Variants in MAML2 observed in about 807,000 individuals in gnomAD.
The protein encoded by MAML2 is mastermind-like protein 2.
In MAML2, 22 loss-of-function variants were observed where a neutral mutation model predicts 96.1. The observed-to-expected ratio is 0.23, with a 90% confidence interval of 0.16 to 0.33. MAML2 has a LOEUF of 0.33. MAML2 is among the 10% of genes least tolerant of loss of function. MAML2 has a pLI of 1.00. For synonymous variants in MAML2, 561 were observed against 521.3 expected (o/e 1.08, Z -1.04); for missense variants, 1,367 against 1,392.4 (o/e 0.98, Z 0.29).
intron 2 of MAML2, among the ~76,000 whole-genome samples, chr11:96,042,059 C>T (rs1858821826): frequency 6.6e-6 from 1 of 151,452 alleles, no homozygotes; most frequent in African/African-American, 2.4e-5. Flanking sequence ...TCACTGCAAG[C>T]TCCACCTCCC....
intron 1 of MAML2, among the ~76,000 whole-genome samples, chr11:96,120,080 C>T (rs1342035514): frequency 6.6e-6 from 1 of 151,952 alleles, no homozygotes; most frequent in Admixed American, 6.5e-5. Context: ...GCCTCAGCCT[C>T]CCGAGTAGCT....
intron 1 of MAML2, among the ~76,000 whole-genome samples, chr11:96,314,359 T>C (rs756731388): frequency 3.3e-5 from 5 of 152,238 alleles, no homozygotes; most frequent in Non-Finnish European, 7.3e-5. Context: ...ACAACACCTT[T>C]AACTCTGAGT....
intron 1 of MAML2, among the ~76,000 whole-genome samples, chr11:96,267,792 AAG>A (rs1862850943): frequency 1.3e-5 from 2 of 152,234 alleles, no homozygotes; most frequent in African/African-American, 4.8e-5. Flanking sequence ...GCTGTCCCTC[AAG>A]CATGGTGGGA....
intron 1 of MAML2, among the ~76,000 whole-genome samples, chr11:96,175,653 T>G (rs1861375361): frequency 6.6e-6 from 1 of 152,120 alleles, no homozygotes; most frequent in Non-Finnish European, 1.5e-5. Context: ...TGCAGTGGCG[T>G]GATCTCGGCT....
intron 1 of MAML2, among the ~76,000 whole-genome samples, chr11:96,150,279 A>T (rs527435540): frequency 2.0e-5 from 3 of 152,218 alleles, no homozygotes; most frequent in Admixed American, 6.5e-5. Context: ...CACGAAGCTC[A>T]GCTTCAATGA....
intron 2 of MAML2, among the ~76,000 whole-genome samples, chr11:96,035,185 G>A (rs891989502): frequency 1.3e-5 from 2 of 152,160 alleles, no homozygotes; most frequent in African/African-American, 2.4e-5. Context: ...CTTTAGAAAG[G>A]CAATCAGGGC....
At chr11:96,177,663 T>G (rs766747376) in intron 1 of MAML2, among the ~76,000 whole-genome samples, 3 of 152,226 alleles carry the variant, frequency 2.0e-5, no homozygotes, top group Non-Finnish European at 4.4e-5. Flanking sequence ...TCTCTTTCTA[T>G]TATTTTCAAA....
chr11:96,300,919 A>T (rs1007877465), intron 1 of MAML2, among the ~76,000 whole-genome samples: 1 of 152,196 alleles, frequency 6.6e-6, no homozygotes, highest in Non-Finnish European at 1.5e-5. Context: ...ATTATCTAAA[A>T]TCCTATGCCT....
At chr11:96,125,927 T>C (rs1307476255) in intron 1 of MAML2, among the ~76,000 whole-genome samples, 4 of 152,178 alleles carry the variant, frequency 2.6e-5, no homozygotes, top group African/African-American at 9.6e-5. Context: ...GTAATTGTGC[T>C]AGTGGGCAGA....
intron 1 of MAML2, among the ~76,000 whole-genome samples, chr11:96,130,019 C>T (rs1386594377): frequency 6.6e-6 from 1 of 152,188 alleles, no homozygotes; most frequent in Non-Finnish European, 1.5e-5. Flanking sequence ...ATTATACTAG[C>T]CCAGGTATAT....
intron 1 of MAML2, among the ~76,000 whole-genome samples, chr11:96,150,958 C>T (rs1434785280): frequency 6.6e-6 from 1 of 152,202 alleles, no homozygotes; most frequent in East Asian, 1.9e-4. Flanking sequence ...CCTCCCTAGA[C>T]CTACCGAATC....
intron 1 of MAML2, among the ~76,000 whole-genome samples, chr11:96,313,334 G>A (rs139931449): frequency 1.3e-4 from 20 of 152,262 alleles, no homozygotes; most frequent in African/African-American, 4.8e-4. Context: ...TCTCAGAACT[G>A]GGGTGGACGC....
At chr11:96,298,234 T>C (rs771832963) in intron 1 of MAML2, among the ~76,000 whole-genome samples, 3 of 152,232 alleles carry the variant, frequency 2.0e-5, no homozygotes, top group African/African-American at 4.8e-5. Context: ...GCAAACAGCA[T>C]GCTTATGTTC....
intron 1 of MAML2, among the ~76,000 whole-genome samples, chr11:96,180,242 C>T (rs1200685057): frequency 1.3e-5 from 2 of 152,186 alleles, no homozygotes; most frequent in Non-Finnish European, 2.9e-5. Flanking sequence ...ATAGGCTCTT[C>T]TGGCGATGTG....
At position 96,093,263 on chromosome 11, in the gene MAML2, G is replaced by A; in HGVS notation, c.768C>T (p.Gly256=). The change falls in exon 2 of 5, where the codon GGC becomes GGT. Residue 256 remains glycine, a synonymous_variant. Coordinates refer to ENST00000524717, the MANE Select transcript of MAML2 (RefSeq NM_032427.4). ...CCTCCTTTAAGCCCATGTTAAACAG[G>A]CCATTGCCAGGAGAATGTGTATGGG... ...LPSHTHSPGN[G]LFNMGLKEVK... 8.1e-6 allele frequency: 13 copies of A among 1,614,010 alleles called. No homozygotes were observed. Among genetic ancestry groups the A allele is most frequent in the Non-Finnish European group, 1.1e-5 (13 of 1,179,896 alleles).
At chr11:96,034,980 T>C (rs1413957305) in intron 2 of MAML2, among the ~76,000 whole-genome samples, 1 of 152,206 alleles carries the variant, frequency 6.6e-6, no homozygotes, top group African/African-American at 2.4e-5. Flanking sequence ...AAAAGGCTTG[T>C]CTGCTTTCTG....
intron 4 of MAML2, among the ~76,000 whole-genome samples, chr11:95,982,613 C>T (rs898926347): frequency 1.3e-5 from 2 of 152,116 alleles, no homozygotes; most frequent in Non-Finnish European, 2.9e-5. Flanking sequence ...GCCTGGGATC[C>T]TTTTATGTGA....
chr11:96,102,580 G>T, intron 1 of MAML2, among the ~76,000 whole-genome samples: 1 of 152,220 alleles, frequency 6.6e-6, no homozygotes, highest in South Asian at 2.1e-4. Flanking sequence ...AACAAAACTT[G>T]TTGTCCAGCA....
intron 2 of MAML2, among the ~76,000 whole-genome samples, chr11:96,052,636 T>C (rs1037433835): frequency 1.3e-5 from 2 of 152,212 alleles, no homozygotes; most frequent in Admixed American, 1.3e-4. Flanking sequence ...TTGTCTGATA[T>C]CACATTGATG....
Sources: allele counts gnomAD v4.1 joint callset (sites outside exome capture counted in the v4.1 genomes callset), GRCh38; gene constraint gnomAD v4.1.1; transcripts MANE v1.5; gene names NCBI Gene and HGNC (gene_info 2026-07-23, HGNC 2026-07-21).